The following AGPAT4 variants were observed in gnomAD, a reference collection of about 807,000 sequenced individuals.
AGPAT4 encodes 1-acyl-sn-glycerol-3-phosphate acyltransferase delta.
A neutral mutation model predicts 48.0 loss-of-function variants in AGPAT4; 15 were observed. That is an observed-to-expected ratio of 0.31 (90% CI 0.21 to 0.48). The LOEUF is 0.48. Ranked by LOEUF, AGPAT4 falls within the 20% of genes least tolerant of loss-of-function variation. The pLI, the probability that AGPAT4 is intolerant of heterozygous loss-of-function variation, is 0.99. For missense variants in AGPAT4, 314 were observed against 482.5 expected (o/e 0.65, Z 3.27); for synonymous variants, 178 against 198.7 (o/e 0.90, Z 0.88).
rs554980036 is a variant in AGPAT4 at position 161,200,382 on chromosome 6, T to C, written c.178+31654A>G. 4.6e-5 allele frequency among the ~76,000 whole-genome samples: 7 copies of C among 152,360 alleles called. No homozygotes were observed. The highest frequency in any genetic ancestry group is 7.3e-5 in the Non-Finnish European group (5 of 68,040). On this transcript the variant is annotated intron_variant, in intron 2 of 8. Transcript: ENST00000320285. This position sits in a 1 kb window ranked among gnomAD's most constrained non-coding sequence, Gnocchi z 5.5. ...ACAGTAAATGATGGAGTGCGCTGTC[T>C]GAATTCAGAGAGTTTTATCTTAAAT... is the stretch of plus-strand genomic sequence containing the variant.
chr6:161,264,073 T>C lies in AGPAT4; in HGVS notation c.-90+9865A>G, dbSNP rs1438904614. ...GGTGTTATACAAAGCAGACAGCTTC[T>C]AGTAAGTGCTGCGTAACACATGTTG... On this transcript the variant is annotated intron_variant, in intron 1 of 8. Coordinates refer to ENST00000320285, the MANE Select transcript of AGPAT4 (RefSeq NM_020133.3). The surrounding 1 kb of genome is among the most constrained non-coding windows in gnomAD (Gnocchi z 6.8). 6.6e-6 allele frequency among the ~76,000 whole-genome samples: 1 copy of C among 152,194 alleles called. No homozygotes were observed. Among genetic ancestry groups the C allele is most frequent in the Non-Finnish European group, 1.5e-5 (1 of 68,038 alleles).
Position 161,154,537 on chromosome 6 carries a change from G to T in AGPAT4, c.349-227C>A, listed in dbSNP as rs1455508537. 1.3e-5 allele frequency among the ~76,000 whole-genome samples: 2 copies of T among 152,156 alleles called. No individual in the cohort carries two copies. Among genetic ancestry groups the T allele is most frequent in the African/African-American group, 4.8e-5 (2 of 41,440 alleles). On this transcript the variant is annotated intron_variant, in intron 3 of 8. Coordinates refer to ENST00000320285, the MANE Select transcript of AGPAT4 (RefSeq NM_020133.3). The surrounding 1 kb of genome is among the most constrained non-coding windows in gnomAD (Gnocchi z 7.8). ...GCCAGTGTGGGAGCAGGGGGCAGGGGCACCCTGGTTCTCAGCGCAGACGGC... is the reference window on the plus strand; with the variant it reads ...GCCAGTGTGGGAGCAGGGGGCAGGGTCACCCTGGTTCTCAGCGCAGACGGC...
At position 161,202,125 on chromosome 6, in the gene AGPAT4, C is replaced by T. The variant is rs553528459; in HGVS notation, c.178+29911G>A. Among the ~76,000 whole-genome samples the T allele has an allele frequency of 1.3e-5, 2 of 152,296 alleles. No individual in the cohort carries two copies. Among genetic ancestry groups the T allele is most frequent in the Admixed American group, 1.3e-4 (2 of 15,298 alleles). On this transcript the variant is annotated intron_variant, in intron 2 of 8. Transcript: ENST00000320285. The surrounding 1 kb of genome is among the most constrained non-coding windows in gnomAD (Gnocchi z 5.4). The stretch of plus-strand genomic sequence containing the variant: ...CTGTAGGTACTGGTTATCTATTGCT[C>T]ATAACCAAAATATGATGGCCCAAAA...
intron 1 of AGPAT4, among the ~76,000 whole-genome samples, chr6:161,258,915 G>A (rs1783022421): frequency 6.6e-6 from 1 of 151,706 alleles, no homozygotes; most frequent in Non-Finnish European, 1.5e-5. Context: ...TCATGCCTCA[G>A]CCTCCCAAGT....
chr6:161,206,741 A>G lies in AGPAT4; in HGVS notation c.178+25295T>C, dbSNP rs375809988. On this transcript the variant is annotated intron_variant, in intron 2 of 8. Transcript: ENST00000320285. The surrounding 1 kb of genome is among the most constrained non-coding windows in gnomAD (Gnocchi z 4.8). ...ACAGACATGGAAGATATTTAAGAAGAATTTTTAAATGGCCATCATAAAACT... is the reference window on the plus strand; with the variant it reads ...ACAGACATGGAAGATATTTAAGAAGGATTTTTAAATGGCCATCATAAAACT... Among the ~76,000 whole-genome samples, 12 of 152,348 alleles carry G rather than the reference A, an allele frequency of 7.9e-5. No homozygotes were observed. The South Asian group carries it at 2.5e-3, about 32-fold the overall frequency.
chr6:161,240,589 TG>T lies in AGPAT4; in HGVS notation c.-89-8288del, dbSNP rs112046811. Among the ~76,000 whole-genome samples the T allele has an allele frequency of 5.9e-5, 9 of 152,312 alleles. No homozygotes were observed. The highest frequency in any genetic ancestry group is 1.7e-4 in the African/African-American group (7 of 41,574). ...GCAGCACAGCTAAAGTGGGGACAGC[TG>T]GCAGATTGTTTCTGAACCAATATTT... On this transcript the variant is annotated intron_variant, in intron 1 of 8. Transcript: ENST00000320285. This position sits in a 1 kb window ranked among gnomAD's most constrained non-coding sequence, Gnocchi z 5.5.
In AGPAT4 at chr6:161,219,874, G is replaced by A. The variant is rs1781769293; in HGVS notation, c.178+12162C>T. ...AGATAGATAGATAGATAGATAGATA[G>A]GCAGGCAGGCAGGCAGGCAGGCAGG... On this transcript the variant is annotated intron_variant, in intron 2 of 8. Transcript: ENST00000320285. This position sits in a 1 kb window ranked among gnomAD's most constrained non-coding sequence, Gnocchi z 4.9. Among the ~76,000 whole-genome samples the A allele has an allele frequency of 8.7e-6, 1 of 114,410 alleles. No individual in the cohort carries two copies. Among genetic ancestry groups the A allele is most frequent in the African/African-American group, 3.2e-5 (1 of 31,376 alleles). 75.1% of individuals were successfully genotyped at this position (114,410 alleles called of 152,430 possible).
Position 161,235,289 on chromosome 6 carries a change from T to A in AGPAT4, c.-89-2987A>T, listed in dbSNP as rs1782242482. On this transcript the variant is annotated intron_variant, in intron 1 of 8. Coordinates refer to ENST00000320285, the MANE Select transcript of AGPAT4 (RefSeq NM_020133.3). This position sits in a 1 kb window ranked among gnomAD's most constrained non-coding sequence, Gnocchi z 6.2. ...CTATTGCTTTTTAATTTCGTGAAAC[T>A]TAGGCGGATTCTCAAATTTATATGC... Among the ~76,000 whole-genome samples the A allele has an allele frequency of 6.6e-6, 1 of 152,160 alleles. No homozygotes were observed. The highest frequency in any genetic ancestry group is 6.5e-5 in the Admixed American group (1 of 15,268).
rs1268796358 is a variant in AGPAT4 at position 161,142,249 on chromosome 6, C to T, written c.844-2629G>A. ...CCCATGACATTGCCACAGGACCTCC[C>T]ACTGACTATCGGGGAGAGAACAGCA... On this transcript the variant is annotated intron_variant, in intron 7 of 8. Transcript: ENST00000320285. This position sits in a 1 kb window ranked among gnomAD's most constrained non-coding sequence, Gnocchi z 6.4. Among the ~76,000 whole-genome samples the T allele has an allele frequency of 6.6e-6, 1 of 152,226 alleles. No individual in the cohort carries two copies. The highest frequency in any genetic ancestry group is 1.5e-5 in the Non-Finnish European group (1 of 68,050).
intron 2 of AGPAT4, among the ~76,000 whole-genome samples, chr6:161,191,249 C>T (rs1780916502): frequency 6.6e-6 from 1 of 152,206 alleles, no homozygotes; most frequent in Non-Finnish European, 1.5e-5. Context: ...ACAAAGCCAG[C>T]AGATATCACA....
intron 2 of AGPAT4, among the ~76,000 whole-genome samples, chr6:161,213,150 T>C (rs1316887908): frequency 6.6e-6 from 1 of 152,176 alleles, no homozygotes. Flanking sequence ...ACCCAACTCA[T>C]AGGTATTTGA....
At position 161,142,139 on chromosome 6, in the gene AGPAT4, C is replaced by A. The variant is rs1462523638; in HGVS notation, c.844-2519G>T. On this transcript the variant is annotated intron_variant, in intron 7 of 8. Coordinates refer to ENST00000320285, the MANE Select transcript of AGPAT4 (RefSeq NM_020133.3). The surrounding 1 kb of genome is among the most constrained non-coding windows in gnomAD (Gnocchi z 6.4). ...AAAGTGTTGGGATTACAGGCGTGAG[C>A]CATTGCGCCCAGCCCCATTCACTTT... Among the ~76,000 whole-genome samples the A allele has an allele frequency of 6.6e-6, 1 of 152,248 alleles. No individual in the cohort carries two copies. Among genetic ancestry groups the A allele is most frequent in the Non-Finnish European group, 1.5e-5 (1 of 68,044 alleles).
rs1466452110 is a variant in AGPAT4 at position 161,174,703 on chromosome 6, G to C, written c.179-8286C>G. Among the ~76,000 whole-genome samples the C allele has an allele frequency of 1.3e-4, 20 of 152,310 alleles. 1 individual carries two copies. The highest frequency in any genetic ancestry group is 8.5e-4 in the Admixed American group (13 of 15,306). Reference sequence around the variant, plus strand: ...ACTATGTTGAATAGGAGTGGTGAGAGAGGGCATCCCTGTCTTGTGCCAGTT... The same window carrying C: ...ACTATGTTGAATAGGAGTGGTGAGACAGGGCATCCCTGTCTTGTGCCAGTT... On this transcript the variant is annotated intron_variant, in intron 2 of 8. Transcript: ENST00000320285.
chr6:161,186,548 T>C (rs928101291), intron 2 of AGPAT4, among the ~76,000 whole-genome samples: 3 of 151,860 alleles, frequency 2.0e-5, no homozygotes, highest in African/African-American at 4.8e-5. Context: ...CCTCCTTACC[T>C]CTTGATGACC....
rs373972745 is a variant in AGPAT4, at chr6:161,267,056, G to C, written c.-90+6882C>G. Among the ~76,000 whole-genome samples, 1 of 152,202 alleles carries C rather than the reference G, an allele frequency of 6.6e-6. No homozygotes were observed. The stretch of plus-strand genomic sequence containing the variant: ...AAGCCTCTGACTCCATCCACCCACC[G>C]CCTTGGGAACTCTGAGAGCAGCCAC... On this transcript the variant is annotated intron_variant, in intron 1 of 8. Coordinates refer to ENST00000320285, the MANE Select transcript of AGPAT4 (RefSeq NM_020133.3). The surrounding 1 kb of genome is among the most constrained non-coding windows in gnomAD (Gnocchi z 5.2).
rs145610212 is a variant in AGPAT4 at position 161,225,731 on chromosome 6, C to T, written c.178+6305G>A. On this transcript the variant is annotated intron_variant, in intron 2 of 8. Transcript: ENST00000320285. The surrounding 1 kb of genome is among the most constrained non-coding windows in gnomAD (Gnocchi z 5.0). ...GTTTCAGCTGTGCAGCGTGGACACA[C>T]TTCAGAAGTAAAAGGTACCCGCAGG... Among the ~76,000 whole-genome samples the T allele has an allele frequency of 1.3e-3, 201 of 152,228 alleles. 1 individual carries two copies. The highest frequency in any genetic ancestry group is 4.6e-3 in the African/African-American group (190 of 41,540).
chr6:161,248,502 A>T (rs543048865), intron 1 of AGPAT4, among the ~76,000 whole-genome samples: 1 of 136,014 alleles, frequency 7.4e-6, no homozygotes, highest in Non-Finnish European at 1.5e-5. Context: ...TGAACCTGGG[A>T]GGTGGAGCTT....
chr6:161,173,275 T>C (rs1411064579), intron 2 of AGPAT4, among the ~76,000 whole-genome samples: 1 of 152,220 alleles, frequency 6.6e-6, no homozygotes, highest in Non-Finnish European at 1.5e-5. Context: ...GTAAAAGTGT[T>C]CCTATTTCTC....
rs1295566100 is a variant in AGPAT4, at chr6:161,148,639, G to A, written c.767+548C>T. On this transcript the variant is annotated intron_variant, in intron 6 of 8. Transcript: ENST00000320285. This position sits in a 1 kb window ranked among gnomAD's most constrained non-coding sequence, Gnocchi z 5.5. ...ACTGCCATTGTGTTTACTATCTGCA[G>A]CACCTTCCAATTCTGTTTCCCACTG... 6.6e-6 allele frequency among the ~76,000 whole-genome samples: 1 copy of A among 152,172 alleles called. No homozygotes were observed. Among genetic ancestry groups the A allele is most frequent in the African/African-American group, 2.4e-5 (1 of 41,440 alleles).
Sources: allele counts gnomAD v4.1 joint callset (sites outside exome capture counted in the v4.1 genomes callset), GRCh38; gene constraint gnomAD v4.1.1; non-coding constraint Gnocchi (gnomAD v3.1); transcripts MANE v1.5; gene names NCBI Gene and HGNC (gene_info 2026-07-23, HGNC 2026-07-21).